Variants in HLTF observed in about 807,000 individuals in gnomAD.
HLTF encodes the protein DNA-dependent ATPase/E3 ubiquitin-protein ligase HLTF.
In HLTF, 127 loss-of-function variants were observed where a neutral mutation model predicts 129.4. That is an observed-to-expected ratio of 0.98 (90% CI 0.85 to 1.14). HLTF has a LOEUF of 1.14. HLTF is among the 50% of genes most tolerant of loss of function. The probability of loss-of-function intolerance (pLI) is 0.00; values close to 1 mark genes in which losing one functional copy is unlikely to be tolerated. For missense variants in HLTF, 1,139 were observed against 1,187.1 expected (o/e 0.96, Z 0.60); for synonymous variants, 332 against 388.8 (o/e 0.85, Z 1.72).
intron 4 of HLTF, 41 bp from the exon 5 acceptor site, chr3:149,073,363 A>C (rs775782962): frequency 2.9e-6 from 4 of 1,400,064 alleles, no homozygotes; most frequent in Non-Finnish European, 4.0e-6. Flanking sequence ...CATCAAATAA[A>C]GTAGGTTTTT....
At chr3:149,057,012 G>A (rs71304445) in intron 13 of HLTF, among the ~76,000 whole-genome samples, 3,966 of 150,364 alleles carry the variant, frequency 0.026, 64 homozygotes, top group South Asian at 0.051. Flanking sequence ...GGGAGGCTGA[G>A]GCAGGAGAAT....
At position 149,047,655 on chromosome 3, in the gene HLTF, C is replaced by CATAA. The variant is rs923847335; in HGVS notation, c.1892+369_1892+372dup. On this transcript the variant is annotated intron_variant, in intron 17 of 24. Transcript: ENST00000310053. ...AGACTCCATCTCAAATAAATAAATA[C>CATAA]ATAAATAAATAAATAAAGCTATATA... is the stretch of plus-strand genomic sequence containing the variant. 2.6e-5 allele frequency among the ~76,000 whole-genome samples: 4 copies of CATAA among 151,958 alleles called. 1 individual carries two copies. Among genetic ancestry groups the CATAA allele is most frequent in the Admixed American group, 6.5e-5 (1 of 15,270 alleles).
At chr3:149,085,420 C>T (rs999609600) in intron 1 of HLTF, among the ~76,000 whole-genome samples, 1 of 152,076 alleles carries the variant, frequency 6.6e-6, no homozygotes, top group Admixed American at 6.6e-5. Flanking sequence ...ACCCGGGAGG[C>T]GTAGGTTGCA....
rs1406505473 is a variant in HLTF, at chr3:149,048,061, C to T, written c.1859G>A (p.Arg620His). ...DREWWHRTIQ[R>H]PVTMGDEGGL... ...TCCTTCATCTCCCATTGTGACAGGA[C>T]GCTGTATTGTTCTATGCCACCATTC... The change falls in exon 17 of 25, where the codon CGT (arginine) becomes CAT (histidine). Residue 620 changes from arginine (R) to histidine (H), a missense_variant. Arg to His is a conservative substitution (Grantham distance 29). Coordinates refer to ENST00000310053, the MANE Select transcript of HLTF (RefSeq NM_003071.4). 3.7e-6 allele frequency: 6 copies of T among 1,610,340 alleles called. No individual in the cohort carries two copies. The highest frequency in any genetic ancestry group is 1.7e-5 in the Admixed American group (1 of 59,454).
intron 14 of HLTF, among the ~76,000 whole-genome samples, chr3:149,055,074 T>C (rs970421963): frequency 6.6e-6 from 1 of 152,226 alleles, no homozygotes; most frequent in Non-Finnish European, 1.5e-5. Flanking sequence ...CCAAATCTTA[T>C]GTTAGCAATT....
In HLTF at chr3:149,046,252, G is replaced by A; in HGVS notation, c.1900C>T (p.Gln634Ter). 2.0e-6 allele frequency: 3 copies of A among 1,511,126 alleles called. No homozygotes were observed. The highest frequency in any genetic ancestry group is 1.2e-5 in the South Asian group (1 of 84,368). 93.6% of individuals were successfully genotyped at this position (1,511,126 alleles called of 1,614,324 possible). Residue 634 changes from glutamine (Q) to a stop codon, truncating the protein, a stop_gained, in exon 18 of 25, where the codon CAG (glutamine) becomes TAG (stop). Coordinates refer to ENST00000310053, the MANE Select transcript of HLTF (RefSeq NM_003071.4). LOFTEE classifies it high-confidence loss of function. ...AGTGTAATATTTTTAATTAGGGACT[G>A]TAAACGCCTAATCAGAATAAAACAA... ...MGDEGGLRRL[Q>*]SLIKNITLRR...
chr3:149,076,077 C>T (rs1459420120), intron 2 of HLTF, 30 bp from the exon 3 acceptor site: 3 of 846,824 alleles, frequency 3.5e-6, no homozygotes, highest in Non-Finnish European at 5.4e-6. Flanking sequence ...GATAATATTA[C>T]ATTATAAATA....
At position 149,048,067 on chromosome 3, in the gene HLTF, A is replaced by G. The variant is rs1716699856; in HGVS notation, c.1853T>C (p.Ile618Thr). Residue 618 changes from isoleucine to threonine, a missense_variant, in exon 17 of 25, where the codon ATA becomes ACA. By Grantham distance (89) the Ile-to-Thr change is moderately conservative (BLOSUM62 -1). Transcript: ENST00000310053. The stretch of plus-strand genomic sequence containing the variant: ...ATCTCCCATTGTGACAGGACGCTGT[A>G]TTGTTCTATGCCACCATTCTCTATC... ...FIDREWWHRT[I>T]QRPVTMGDEG... The G allele has an allele frequency of 6.2e-7, 1 of 1,612,674 alleles. No individual in the cohort carries two copies. The highest frequency in any genetic ancestry group is 8.5e-7 in the Non-Finnish European group (1 of 1,179,326).
intron 13 of HLTF, among the ~76,000 whole-genome samples, chr3:149,057,660 C>A (rs1717591559): frequency 6.6e-6 from 1 of 152,050 alleles, no homozygotes; most frequent in Non-Finnish European, 1.5e-5. Context: ...TCTCAAAATA[C>A]CTTATTGTAT....
chr3:149,033,390 A>G (rs959930731), intron 24 of HLTF, among the ~76,000 whole-genome samples: 3 of 152,154 alleles, frequency 2.0e-5, no homozygotes, highest in Non-Finnish European at 4.4e-5. Flanking sequence ...GATATCTTAA[A>G]TGGGATTTTA....
At chr3:149,061,070 C>A (rs563176729) in intron 10 of HLTF, among the ~76,000 whole-genome samples, 21 of 152,170 alleles carry the variant, frequency 1.4e-4, no homozygotes, top group African/African-American at 4.8e-4. Flanking sequence ...AAATGGAGTA[C>A]CACCGTTATT....
chr3:149,085,866 C>A (rs1559888837), intron 1 of HLTF, among the ~76,000 whole-genome samples: 1 of 152,182 alleles, frequency 6.6e-6, no homozygotes, highest in Admixed American at 6.5e-5. Flanking sequence ...CGCTTATTTG[C>A]GATGCGTTTT....
intron 2 of HLTF, among the ~76,000 whole-genome samples, chr3:149,078,842 G>A (rs1719623897): frequency 6.9e-6 from 1 of 145,382 alleles, no homozygotes; most frequent in African/African-American, 2.6e-5. Flanking sequence ...GGGCGACAAA[G>A]CAAGACTCCG....
In HLTF at chr3:149,042,168, G is replaced by A. The variant is rs1433076825; in HGVS notation, c.2195C>T (p.Ser732Leu). The change falls in exon 19 of 25, where the codon TCA becomes TTA. Residue 732 changes from serine (S) to leucine (L), a missense_variant and splice_region_variant. Transcript: ENST00000310053. ...ATGAAGCAATCAAATTTACCTACCT[G>A]AGGGGCCATTGGAAGACACTGCATT... ...LTNAVSSNGP[S>L]GNDTPEELRK... 6.2e-7 allele frequency: 1 copy of A among 1,612,732 alleles called. No homozygotes were observed. The highest frequency in any genetic ancestry group is 8.5e-7 in the Non-Finnish European group (1 of 1,179,064).
At chr3:149,081,744 T>C (rs1242823603) in intron 2 of HLTF, among the ~76,000 whole-genome samples, 4 of 152,170 alleles carry the variant, frequency 2.6e-5, no homozygotes, top group African/African-American at 7.2e-5. Flanking sequence ...TAAAGGGTAC[T>C]GAAATTTAAG....
At chr3:149,046,285 T>A (rs186713897) in intron 17 of HLTF, 26 bp from the exon 18 acceptor site, 1 of 1,255,544 alleles carries the variant, frequency 8.0e-7, no homozygotes, top group Non-Finnish European at 1.1e-6. Flanking sequence ...CAAATAATTA[T>A]GTAACTTTTA....
chr3:149,048,841 G>A (rs2107985828), intron 16 of HLTF, 22 bp downstream of exon 16: 1 of 1,589,950 alleles, frequency 6.3e-7, no homozygotes, highest in Non-Finnish European at 8.6e-7. Flanking sequence ...TAAGGTTTTA[G>A]TAAGTTTAAT....
At chr3:149,077,542 G>A (rs1576624992) in intron 2 of HLTF, among the ~76,000 whole-genome samples, 1 of 151,924 alleles carries the variant, frequency 6.6e-6, no homozygotes, top group East Asian at 1.9e-4. Flanking sequence ...GCTACCTGAG[G>A]CAGTGGATAA....
chr3:149,048,300 A>G, intron 16 of HLTF, 137 bp from the exon 17 acceptor site: 1 of 541,014 alleles, frequency 1.8e-6, no homozygotes, highest in Non-Finnish European at 3.1e-6. Flanking sequence ...AAATTAAACT[A>G]TCAAGTGTTG....
Sources: allele counts gnomAD v4.1 joint callset (sites outside exome capture counted in the v4.1 genomes callset), GRCh38; gene constraint gnomAD v4.1.1; transcripts MANE v1.5; gene names NCBI Gene and HGNC (gene_info 2026-07-23, HGNC 2026-07-21).